Variants in ATIC observed in about 807,000 individuals in gnomAD.
ATIC encodes bifunctional purine biosynthesis protein ATIC.
Under a neutral mutation model 72.5 loss-of-function variants are expected in ATIC, and 64 were observed. The ratio of observed to expected loss-of-function variants is 0.88; its 90% CI spans 0.72 to 1.09. The LOEUF (loss-of-function observed/expected upper bound fraction) is 1.09. Among genes scored for constraint, ATIC ranks in the 50% least tolerant of loss-of-function variants. The pLI is 0.00. For missense variants in ATIC, 787 were observed against 732.4 expected, an observed-to-expected ratio of 1.07 and a Z score of -0.86; for synonymous variants, 281 against 267.1, an observed-to-expected ratio of 1.05 and a Z score of -0.51.
intron 14 of ATIC, chr2:215,348,795 CA>C: frequency 3.3e-6 from 1 of 307,178 alleles, no homozygotes. Context: ...ACTCTGTCTC[CA>C]AAAATACAAA....
chr2:215,312,360 C>T (rs2052662369), intron 1 of ATIC, 138 bp from the exon 2 acceptor site: 18 of 1,539,256 alleles, frequency 1.2e-5, no homozygotes, highest in Non-Finnish European at 1.4e-5. Context: ...CCTGGGGAGG[C>T]CCGGACCAGG....
At chr2:215,340,036 C>A (rs749985457) in intron 12 of ATIC, among the ~76,000 whole-genome samples, 3 of 152,194 alleles carry the variant, frequency 2.0e-5, no homozygotes, top group Non-Finnish European at 4.4e-5. Flanking sequence ...GTTGCCCAGG[C>A]TGGAGTGCAG....
At chr2:215,316,854 C>G (rs1029091246) in intron 2 of ATIC, among the ~76,000 whole-genome samples, 1 of 152,128 alleles carries the variant, frequency 6.6e-6, no homozygotes, top group Admixed American at 6.5e-5. Flanking sequence ...CCTCCGCCTC[C>G]CGGGTTCAAG....
the ATIC span, chr2:215,362,187 T>G: frequency 1.3e-6 from 1 of 757,394 alleles, no homozygotes; most frequent in Non-Finnish European, 2.3e-6. Flanking sequence ...ACTGGCAAAA[T>G]ATAAGCAGTT....
the ATIC span, chr2:215,365,530 T>C: frequency 1.2e-6 from 2 of 1,614,118 alleles, no homozygotes; most frequent in Admixed American, 3.3e-5. Flanking sequence ...ATTCTCCTTT[T>C]CCGTTCCCAA....
In ATIC at chr2:215,333,379, G is replaced by A; in HGVS notation, c.844G>A (p.Asp282Asn). ...GAAVGIPLSE[D>N]EAKVCMVYDL... The stretch of plus-strand genomic sequence containing the variant: ...TGCTGTTGGAATTCCACTCAGTGAA[G>A]ATGAGGCCAAAGTCTGCATGGTTTA... The change falls in exon 9 of 16, where the codon GAT (aspartate) becomes AAT (asparagine). Residue 282 changes from aspartate (D) to asparagine (N), a missense_variant. Asp to Asn is a conservative substitution (Grantham distance 23). Coordinates refer to ENST00000236959, the MANE Select transcript of ATIC (RefSeq NM_004044.7). 6.2e-7 allele frequency: 1 copy of A among 1,614,138 alleles called. No individual in the cohort carries two copies. Among genetic ancestry groups the A allele is most frequent in the Non-Finnish European group, 8.5e-7 (1 of 1,180,016 alleles).
In ATIC at chr2:215,349,586, T is replaced by C. The variant is rs745321737; in HGVS notation, c.1710T>C (p.Val570=). 1.7e-5 allele frequency: 28 copies of C among 1,614,166 alleles called. No homozygotes were observed. Among genetic ancestry groups the C allele is most frequent in the Middle Eastern group, 1.6e-4 (1 of 6,062 alleles). The part of the protein sequence containing the change: ...AAPSGSAADK[V]VIEACDELGI... ...CCTCCGGTTCTGCTGCTGACAAAGTTGTGATTGAGGCCTGCGACGAACTGG... is the reference window on the plus strand; with the variant it reads ...CCTCCGGTTCTGCTGCTGACAAAGTCGTGATTGAGGCCTGCGACGAACTGG... Residue 570 remains valine, a synonymous_variant, in exon 16 of 16, where the codon GTT becomes GTC. Transcript: ENST00000236959.
intron 13 of ATIC, 90 bp downstream of exon 13, chr2:215,344,961 G>A (rs2053057675): frequency 6.0e-6 from 8 of 1,341,390 alleles, no homozygotes; most frequent in Non-Finnish European, 8.4e-6. Flanking sequence ...TGGACAGCTT[G>A]AAAGGGAATA....
chr2:215,364,562 G>T, the ATIC span: 3 of 433,324 alleles, frequency 6.9e-6, no homozygotes, highest in African/African-American at 4.0e-5. Flanking sequence ...GACATGCTAG[G>T]GAGCTTAGGA....
chr2:215,365,015 A>G, the ATIC span: 6 of 1,386,220 alleles, frequency 4.3e-6, no homozygotes, highest in Non-Finnish European at 6.0e-6. Flanking sequence ...AGATGCACGC[A>G]TAAGCTGAGA....
chr2:215,355,918 T>A, the ATIC span, among the ~76,000 whole-genome samples: 7 of 152,316 alleles, frequency 4.6e-5, 1 homozygote, highest in South Asian at 1.4e-3. Flanking sequence ...TTAACCCTCT[T>A]GGAGTTTGAT....
At chr2:215,360,432 C>T in the ATIC span, 15 of 152,134 alleles carry the variant, frequency 9.9e-5, no homozygotes, top group African/African-American at 3.6e-4. Flanking sequence ...TAAAACTCCT[C>T]CATATTATAC....
At position 215,338,995 on chromosome 2, in the gene ATIC, G is replaced by A; in HGVS notation, c.1227+88G>A. The A allele has an allele frequency of 1.9e-6, 3 of 1,575,936 alleles. No homozygotes were observed. The East Asian group carries it at 6.9e-5, about 36-fold the overall frequency. On this transcript the variant is annotated intron_variant, in intron 12 of 15. Coordinates refer to ENST00000236959, the MANE Select transcript of ATIC (RefSeq NM_004044.7). ...ATGAGCTTTACATTTATTAAGGTCT[G>A]GATTTGGAACTGGTCTGTATGCACA...
At chr2:215,325,944 G>T in intron 5 of ATIC, 43 bp from the exon 6 acceptor site, 1 of 1,607,418 alleles carries the variant, frequency 6.2e-7, no homozygotes, top group Non-Finnish European at 8.5e-7. Flanking sequence ...TTCATAAGCT[G>T]ATAGGGACAT....
chr2:215,337,816 A>C (rs2052973129), intron 11 of ATIC, among the ~76,000 whole-genome samples: 1 of 152,142 alleles, frequency 6.6e-6, no homozygotes, highest in Non-Finnish European at 1.5e-5. Context: ...ATAGTTGGAG[A>C]GTGTCAAAGG....
At chr2:215,336,280 G>C (rs1463724268) in intron 11 of ATIC, among the ~76,000 whole-genome samples, 156 bp downstream of exon 11, 1 of 152,078 alleles carries the variant, frequency 6.6e-6, no homozygotes, top group Non-Finnish European at 1.5e-5. Context: ...CTATTAACTT[G>C]GGGTTTTGAG....
chr2:215,364,612 TAAG>T, the ATIC span: 1 of 546,340 alleles, frequency 1.8e-6, no homozygotes, highest in African/African-American at 1.9e-5. Context: ...GTGTTGCTAT[TAAG>T]AATGACTCAA....
intron 4 of ATIC, among the ~76,000 whole-genome samples, chr2:215,320,660 A>G (rs1575114373): frequency 6.6e-6 from 1 of 151,916 alleles, no homozygotes; most frequent in Non-Finnish European, 1.5e-5. Context: ...GCTCACTGCA[A>G]CCTCTGCCTC....
At chr2:215,365,376 T>G in the ATIC span, 2 of 1,011,964 alleles carry the variant, frequency 2.0e-6, no homozygotes, top group Non-Finnish European at 3.1e-6. Context: ...ATCAAAAGAT[T>G]AAGAAACCCA....
Sources: allele counts gnomAD v4.1 joint callset (sites outside exome capture counted in the v4.1 genomes callset), GRCh38; gene constraint gnomAD v4.1.1; transcripts MANE v1.5; gene names NCBI Gene and HGNC (gene_info 2026-07-23, HGNC 2026-07-21).